Variants in SNCG observed in about 807,000 individuals in gnomAD.
The protein encoded by SNCG is gamma-synuclein.
A neutral mutation model predicts 16.0 loss-of-function variants in SNCG; 13 were observed. That is an observed-to-expected ratio of 0.81 (90% CI 0.53 to 1.29). The LOEUF (loss-of-function observed/expected upper bound fraction) is 1.29, where lower values mean the gene tolerates loss of function less well. Ranked by LOEUF, SNCG falls within the 50% of genes most tolerant of loss-of-function variation. The pLI, the probability that SNCG is intolerant of heterozygous loss-of-function variation, is 0.00. For missense variants in SNCG, 154 were observed against 168.5 expected, an observed-to-expected ratio of 0.91 and a Z score of 0.48; for synonymous variants, 66 against 66.3, an observed-to-expected ratio of 1.00 and a Z score of 0.02.
rs1406335789 is a variant in SNCG at position 86,960,129 on chromosome 10, G to A, written c.291+1G>A. Reference sequence around the variant, plus strand: ...GGTCACCTCCGGGGTGGTGCGCAAGGTGAGCCCCGGCCCTCAGACCTGCCC... The same window carrying A: ...GGTCACCTCCGGGGTGGTGCGCAAGATGAGCCCCGGCCCTCAGACCTGCCC... On this transcript the variant is annotated splice_donor_variant, in intron 3 of 4. Transcript: ENST00000372017. LOFTEE classifies it high-confidence loss of function. 4.3e-6 allele frequency: 7 copies of A among 1,611,064 alleles called. No homozygotes were observed. In the South Asian group the frequency reaches 7.7e-5, roughly 18 times the overall value.
At chr10:86,956,487 G>T (rs1316499870), upstream of SNCG, among the ~76,000 whole-genome samples, 3 of 152,176 alleles carry the variant, frequency 2.0e-5, no homozygotes, top group African/African-American at 7.2e-5. Context: ...AACAGGTCTG[G>T]TGTGTGGGGG....
Position 86,959,286 on chromosome 10 carries a change from G to T in SNCG, c.122-347G>T. 2.2e-6 allele frequency: 1 copy of T among 450,108 alleles called. No individual in the cohort carries two copies. The highest frequency in any genetic ancestry group is 3.0e-5 in the South Asian group (1 of 32,860). The allele number at this position is 450,108 out of a possible 1,614,324, so 27.9% of individuals were successfully genotyped here. On this transcript the variant is annotated intron_variant, in intron 1 of 4. Transcript: ENST00000372017. This position sits in a 1 kb window ranked among gnomAD's most constrained non-coding sequence, Gnocchi z 4.3. ...GCATCCTCTCCTGGCACTCTCCAGAGGAGGAAGGGGAGGTCAAGCCAATGA... is the reference window on the plus strand; with the variant it reads ...GCATCCTCTCCTGGCACTCTCCAGATGAGGAAGGGGAGGTCAAGCCAATGA...
chr10:86,957,258 T>C (rs925381266), upstream of SNCG: 18 of 1,030,432 alleles, frequency 1.7e-5, no homozygotes, highest in African/African-American at 2.3e-4. Context: ...GGCCCAGAGA[T>C]AGATACTATT....
Sources: allele counts gnomAD v4.1 joint callset (sites outside exome capture counted in the v4.1 genomes callset), GRCh38; gene constraint gnomAD v4.1.1; non-coding constraint Gnocchi (gnomAD v3.1); transcripts MANE v1.5; gene names NCBI Gene and HGNC (gene_info 2026-07-23, HGNC 2026-07-21).